The following ARSJ variants were observed in gnomAD, a reference collection of about 807,000 sequenced individuals.
The protein encoded by ARSJ is arylsulfatase J.
Under a neutral mutation model 35.9 loss-of-function variants are expected in ARSJ, and 26 were observed. The observed-to-expected ratio is 0.72, with a 90% CI of 0.53 to 1.00. The LOEUF (loss-of-function observed/expected upper bound fraction) is 1.00. ARSJ is among the 50% of genes least tolerant of loss of function. The pLI is 0.00. For missense variants in ARSJ, 667 were observed against 723.6 expected, an observed-to-expected ratio of 0.92 and a Z score of 0.90; for synonymous variants, 294 against 267.6, an observed-to-expected ratio of 1.10 and a Z score of -0.96.
chr4:113,912,665 G>GTA (rs372536783), intron 1 of ARSJ, among the ~76,000 whole-genome samples: 18 of 151,772 alleles, frequency 1.2e-4, no homozygotes, highest in East Asian at 5.8e-4. Context: ...TTGTTCACTA[G>GTA]TATATATATA....
chr4:113,943,942 G>T (rs758872611), intron 1 of ARSJ, among the ~76,000 whole-genome samples: 9 of 152,000 alleles, frequency 5.9e-5, no homozygotes, highest in Non-Finnish European at 8.8e-5. Flanking sequence ...TTGTAATTTG[G>T]ATTTTATTCT....
At chr4:113,924,108 T>A (rs1404679018) in intron 1 of ARSJ, among the ~76,000 whole-genome samples, 1 of 135,154 alleles carries the variant, frequency 7.4e-6, no homozygotes, top group African/African-American at 2.9e-5. Flanking sequence ...TATATATATA[T>A]ATATATATAT....
Position 113,901,176 on chromosome 4 carries a change from A to C in ARSJ, c.*1098T>G, listed in dbSNP as rs1336297750. 1.3e-5 allele frequency: 2 copies of C among 152,188 alleles called. No homozygotes were observed. Among genetic ancestry groups the C allele is most frequent in the Non-Finnish European group, 2.9e-5 (2 of 68,036 alleles). The allele number at this position is 152,188 out of a possible 1,614,324, so 9.4% of individuals were successfully genotyped here. Reference sequence around the variant, plus strand: ...AAGTTAGATCAGAAAAGCCACAGTAAATTTTCTAGTGCCATAAAGTAAATC... The same window carrying C: ...AAGTTAGATCAGAAAAGCCACAGTACATTTTCTAGTGCCATAAAGTAAATC... On this transcript the variant is annotated 3_prime_UTR_variant, in exon 2 of 2. Coordinates refer to ENST00000315366, the MANE Select transcript of ARSJ (RefSeq NM_024590.4).
chr4:113,971,153 G>A (rs1727221895), intron 1 of ARSJ, among the ~76,000 whole-genome samples: 1 of 151,932 alleles, frequency 6.6e-6, no homozygotes, highest in Non-Finnish European at 1.5e-5. Context: ...TCAAGGTAAA[G>A]TCTTACAAAA....
chr4:113,902,232 T>G lies in ARSJ; in HGVS notation c.*42A>C, dbSNP rs1480100208. ...GTTTACCTAGGAAACAGATGAAAGA[T>G]AAGAACTGATTAAAGTTTAACCAAA... is the stretch of plus-strand genomic sequence containing the variant. On this transcript the variant is annotated 3_prime_UTR_variant, in exon 2 of 2. Transcript: ENST00000315366. 14 of 1,601,752 alleles carry G rather than the reference T, an allele frequency of 8.7e-6. No individual in the cohort carries two copies. The East Asian group carries it at 2.9e-4, about 33-fold the overall frequency.
rs2099667355 is a variant in ARSJ, at chr4:113,902,400, T to C, written c.1674A>G (p.Glu558=). 1 of 1,613,898 alleles carries C rather than the reference T, an allele frequency of 6.2e-7. No homozygotes were observed. The part of the protein sequence containing the change: ...GGVWGPWYKE[E]TKKKKPSKNQ... ...TTTTGCTTGGCTTCTTTTTCTTGGTTTCCTCTTTATACCATGGTCCCCAGA... is the reference window on the plus strand; with the variant it reads ...TTTTGCTTGGCTTCTTTTTCTTGGTCTCCTCTTTATACCATGGTCCCCAGA... Residue 558 remains glutamate, a synonymous_variant, in exon 2 of 2, where the codon GAA becomes GAG. Transcript: ENST00000315366.
At chr4:113,915,246 T>TTAG (rs1723222922) in intron 1 of ARSJ, among the ~76,000 whole-genome samples, 1 of 152,198 alleles carries the variant, frequency 6.6e-6, no homozygotes, top group Non-Finnish European at 1.5e-5. Context: ...TGGTAAGGGT[T>TTAG]ATTGGCTCTG....
intron 1 of ARSJ, among the ~76,000 whole-genome samples, chr4:113,971,402 T>G (rs1727240183): frequency 6.6e-6 from 1 of 152,218 alleles, no homozygotes; most frequent in Non-Finnish European, 1.5e-5. Context: ...CTCAATAGAA[T>G]TATCTAAATA....
At chr4:113,975,888 G>A (rs979600086) in intron 1 of ARSJ, among the ~76,000 whole-genome samples, 26 of 152,050 alleles carry the variant, frequency 1.7e-4, no homozygotes, top group Admixed American at 1.7e-3. Flanking sequence ...AAGCTGAAGG[G>A]CCCTGAAATC....
chr4:113,949,353 C>A (rs1725711496), intron 1 of ARSJ, among the ~76,000 whole-genome samples: 1 of 152,128 alleles, frequency 6.6e-6, no homozygotes, highest in South Asian at 2.1e-4. Flanking sequence ...AATAAAACAA[C>A]AACAACAAAA....
chr4:113,908,386 TTTTCTA>T (rs532543550), intron 1 of ARSJ, among the ~76,000 whole-genome samples: 368 of 152,320 alleles, frequency 2.4e-3, no homozygotes, highest in Non-Finnish European at 4.4e-3. Context: ...CACTTGCAAT[TTTTCTA>T]TAAGATTGTC....
In ARSJ at chr4:113,906,832, C is replaced by T. The variant is rs558497591; in HGVS notation, c.399-3157G>A. The T allele has an allele frequency of 1.6e-5, 7 of 428,538 alleles. No homozygotes were observed. In the East Asian group the frequency reaches 2.2e-4, roughly 14 times the overall value. 26.5% of individuals were successfully genotyped at this position (428,538 alleles called of 1,614,324 possible). A position where few individuals can be genotyped will look rare whatever the true frequency, so the allele number is the denominator to read the frequency against. On this transcript the variant is annotated intron_variant, in intron 1 of 1. Transcript: ENST00000315366. ...TAGTAAGGAAGGTATATTTATTCAG[C>T]GATAGCTTTAACAATTATCCCAGAA...
intron 1 of ARSJ, chr4:113,970,951 T>C (rs1388818155): frequency 6.6e-6 from 1 of 151,276 alleles, no homozygotes; most frequent in African/African-American, 2.4e-5. Flanking sequence ...CAGGACCCTA[T>C]CTCAAAAAAC....
intron 1 of ARSJ, among the ~76,000 whole-genome samples, chr4:113,951,997 G>GA (rs778386876): frequency 4.0e-5 from 6 of 151,858 alleles, no homozygotes; most frequent in Non-Finnish European, 8.8e-5. Flanking sequence ...AAGGCTTGTT[G>GA]AAACTGAGAC....
intron 1 of ARSJ, among the ~76,000 whole-genome samples, chr4:113,910,585 G>A (rs1173616293): frequency 1.3e-5 from 2 of 151,540 alleles, no homozygotes; most frequent in African/African-American, 4.9e-5. Context: ...GCTTATGACT[G>A]CCTTCCAAAA....
chr4:113,925,364 T>G (rs373868737), intron 1 of ARSJ, among the ~76,000 whole-genome samples: 1 of 152,016 alleles, frequency 6.6e-6, no homozygotes, highest in East Asian at 1.9e-4. Flanking sequence ...TGGCGAATGG[T>G]ACCTATTCCA....
At chr4:113,917,719 G>A (rs955874598) in intron 1 of ARSJ, among the ~76,000 whole-genome samples, 5 of 152,022 alleles carry the variant, frequency 3.3e-5, no homozygotes, top group East Asian at 1.9e-4. Context: ...TCTTCAATAT[G>A]AATACTTACC....
Position 113,902,865 on chromosome 4 carries a change from G to T in ARSJ, c.1209C>A (p.Ile403=). ...GAAGACCCTCACTTATGGTCTCCCA[G>T]ATATCATAGCCATCTAGTTGAATGT... The part of the protein sequence containing the change: ...DEDIQLDGYD[I]WETISEGLRS... The change falls in exon 2 of 2, where the codon ATC becomes ATA. Residue 403 remains isoleucine (I), a synonymous_variant. Coordinates refer to ENST00000315366, the MANE Select transcript of ARSJ (RefSeq NM_024590.4). 6.2e-7 allele frequency: 1 copy of T among 1,614,192 alleles called. No individual in the cohort carries two copies. The highest frequency in any genetic ancestry group is 8.5e-7 in the Non-Finnish European group (1 of 1,180,036).
Position 113,971,965 on chromosome 4 carries a change from C to A in ARSJ, c.398+6472G>T, listed in dbSNP as rs558666375. ...TCTATTGCCCTAAGCTTACTTGACTCCTTCTCCTATCAGAGTGGCTGAAAG... is the reference window on the plus strand; with the variant it reads ...TCTATTGCCCTAAGCTTACTTGACTACTTCTCCTATCAGAGTGGCTGAAAG... On this transcript the variant is annotated intron_variant, in intron 1 of 1. Transcript: ENST00000315366. 6.6e-5 allele frequency among the ~76,000 whole-genome samples: 10 copies of A among 152,314 alleles called. No homozygotes were observed. The South Asian group carries it at 2.1e-3, about 32-fold the overall frequency.
Sources: gnomAD v4.1 joint callset for allele counts (sites outside exome capture counted in the v4.1 genomes callset) on GRCh38, gnomAD v4.1.1 for gene constraint, MANE v1.5 for transcripts, NCBI Gene and HGNC (gene_info 2026-07-23, HGNC 2026-07-21) for gene names.